SH3RF3: variants seen among roughly 807,000 people sequenced by gnomAD.
SH3RF3 encodes the protein SH3 domain containing ring finger 3.
A neutral mutation model predicts 66.3 loss-of-function variants in SH3RF3; 29 were observed. That is an observed-to-expected ratio of 0.44 (90% CI 0.33 to 0.60). The LOEUF (loss-of-function observed/expected upper bound fraction) is 0.60, where lower values mean the gene tolerates loss of function less well. Among genes scored for constraint, SH3RF3 ranks in the 20% least tolerant of loss-of-function variants. The pLI is 0.04. For synonymous variants in SH3RF3, 583 were observed against 532.0 expected (o/e 1.10, Z -1.32); for missense variants, 1,194 against 1,190.9 (o/e 1.00, Z -0.04).
At chr2:109,132,375 C>A (rs769934701) in intron 1 of SH3RF3, among the ~76,000 whole-genome samples, 111 of 152,288 alleles carry the variant, frequency 7.3e-4, no homozygotes, top group Admixed American at 2.2e-3. Context: ...GTTTTACTGG[C>A]AGGACACAAA....
At chr2:109,482,828 C>G (rs1307011467) in intron 8 of SH3RF3, among the ~76,000 whole-genome samples, 1 of 152,250 alleles carries the variant, frequency 6.6e-6, no homozygotes, top group Non-Finnish European at 1.5e-5. Context: ...CCACCAAAAA[C>G]AAGCTAGAGA....
intron 4 of SH3RF3, among the ~76,000 whole-genome samples, chr2:109,415,723 T>G (rs1434442308): frequency 6.6e-6 from 1 of 152,174 alleles, no homozygotes; most frequent in Non-Finnish European, 1.5e-5. Flanking sequence ...CTGCCCCCTT[T>G]GCCTCCAAAC....
chr2:109,324,868 G>GCA (rs1388879657), intron 1 of SH3RF3, among the ~76,000 whole-genome samples: 2 of 152,312 alleles, frequency 1.3e-5, no homozygotes, highest in East Asian at 3.9e-4. Flanking sequence ...ACGCACGCTG[G>GCA]CACACTGTCT....
chr2:109,136,532 A>G (rs1170573458), intron 1 of SH3RF3, among the ~76,000 whole-genome samples: 1 of 152,128 alleles, frequency 6.6e-6, no homozygotes, highest in African/African-American at 2.4e-5. Context: ...AAGTTGCAGC[A>G]TGATTTGTAT....
At chr2:109,243,975 C>T (rs1340025078) in intron 1 of SH3RF3, among the ~76,000 whole-genome samples, 1 of 152,208 alleles carries the variant, frequency 6.6e-6, no homozygotes. Flanking sequence ...TCTGTTTGCC[C>T]TGCCCAGCTC....
At chr2:109,139,974 T>A (rs1007769408) in intron 1 of SH3RF3, among the ~76,000 whole-genome samples, 3 of 152,072 alleles carry the variant, frequency 2.0e-5, no homozygotes, top group African/African-American at 4.8e-5. Flanking sequence ...ATAGCTGCTT[T>A]AAAAAAACAG....
At chr2:109,277,581 G>A (rs11693872) in intron 1 of SH3RF3, among the ~76,000 whole-genome samples, 36,902 of 152,044 alleles carry the variant, frequency 0.24, 5,639 homozygotes, top group South Asian at 0.36. Flanking sequence ...GTACACTGTC[G>A]TTATCTATCA....
intron 8 of SH3RF3, among the ~76,000 whole-genome samples, chr2:109,485,164 C>G (rs576135014): frequency 1.0e-3 from 157 of 152,266 alleles, no homozygotes; most frequent in Admixed American, 6.2e-3. Flanking sequence ...TGGTGTGTGC[C>G]CAACCAATGC....
intron 5 of SH3RF3, among the ~76,000 whole-genome samples, chr2:109,427,072 G>A (rs986756758): frequency 1.1e-4 from 17 of 152,050 alleles, no homozygotes; most frequent in Non-Finnish European, 4.4e-5. Flanking sequence ...GGGTTCAAGC[G>A]ATTCTCTGGC....
intron 1 of SH3RF3, among the ~76,000 whole-genome samples, chr2:109,152,385 G>C (rs1465931559): frequency 6.6e-6 from 1 of 152,168 alleles, no homozygotes; most frequent in African/African-American, 2.4e-5. Context: ...TTTGTTAGCT[G>C]ACATGTACAG....
chr2:109,167,759 G>A (rs1445237953), intron 1 of SH3RF3, among the ~76,000 whole-genome samples: 4 of 152,056 alleles, frequency 2.6e-5, no homozygotes, highest in African/African-American at 9.7e-5. Flanking sequence ...TTTTAGTAGA[G>A]GTGGGATTGC....
intron 1 of SH3RF3, among the ~76,000 whole-genome samples, chr2:109,285,865 TCC>T (rs980601113): frequency 6.6e-6 from 1 of 152,166 alleles, no homozygotes; most frequent in Non-Finnish European, 1.5e-5. Context: ...GCCTGACCAC[TCC>T]CTTCCTCCCA....
At chr2:109,352,252 G>A (rs1028566917) in intron 2 of SH3RF3, among the ~76,000 whole-genome samples, 6 of 152,168 alleles carry the variant, frequency 3.9e-5, no homozygotes, top group Non-Finnish European at 8.8e-5. Context: ...CCGTCAGATG[G>A]TACATATCAC....
At chr2:109,430,361 G>C (rs1288030371) in intron 5 of SH3RF3, among the ~76,000 whole-genome samples, 1 of 152,196 alleles carries the variant, frequency 6.6e-6, no homozygotes, top group Non-Finnish European at 1.5e-5. Flanking sequence ...TGATTCACAA[G>C]CCTTCCACGG....
At chr2:109,211,480 C>T (rs960450921) in intron 1 of SH3RF3, among the ~76,000 whole-genome samples, 1 of 152,072 alleles carries the variant, frequency 6.6e-6, no homozygotes, top group African/African-American at 2.4e-5. Flanking sequence ...TGCAGATGGG[C>T]GCAACTGCGG....
chr2:109,499,514 C>G (rs960604364), intron 9 of SH3RF3, among the ~76,000 whole-genome samples: 1 of 152,180 alleles, frequency 6.6e-6, no homozygotes, highest in African/African-American at 2.4e-5. Context: ...AGGGGCCCAG[C>G]CAGGCTTCGG....
At chr2:109,320,637 G>A (rs1682000428) in intron 1 of SH3RF3, among the ~76,000 whole-genome samples, 1 of 152,186 alleles carries the variant, frequency 6.6e-6, no homozygotes, top group South Asian at 2.1e-4. Context: ...CTGGATTCCA[G>A]CTCTATAACA....
At chr2:109,411,131 GC>G (rs1243109448) in intron 4 of SH3RF3, among the ~76,000 whole-genome samples, 2 of 152,228 alleles carry the variant, frequency 1.3e-5, no homozygotes, top group Non-Finnish European at 2.9e-5. Context: ...GAGGCAAGGA[GC>G]CCTCAAGTCC....
intron 3 of SH3RF3, among the ~76,000 whole-genome samples, chr2:109,389,277 A>C (rs1407335651): frequency 6.6e-6 from 1 of 152,212 alleles, no homozygotes; most frequent in Non-Finnish European, 1.5e-5. Flanking sequence ...CTCCTTGTGC[A>C]TCAGGTTCAC....
Sources: allele counts gnomAD v4.1 joint callset (sites outside exome capture counted in the v4.1 genomes callset), GRCh38; gene constraint gnomAD v4.1.1; transcripts MANE v1.5; gene names NCBI Gene and HGNC (gene_info 2026-07-23, HGNC 2026-07-21).